Variants in RIOK1 observed in about 807,000 individuals in gnomAD.
The protein encoded by RIOK1 is RIO kinase 1, also known as serine/threonine-protein kinase RIO1.
Under a neutral mutation model 73.5 loss-of-function variants are expected in RIOK1, and 66 were observed. The observed-to-expected ratio is 0.90, with a 90% CI of 0.74 to 1.10. The LOEUF (loss-of-function observed/expected upper bound fraction) is 1.10, where lower values mean the gene tolerates loss of function less well. Ranked by LOEUF, RIOK1 falls within the 50% of genes least tolerant of loss-of-function variation. The probability of loss-of-function intolerance (pLI) is 0.00; values close to 1 mark genes in which losing one functional copy is unlikely to be tolerated. For synonymous variants in RIOK1, 224 were observed against 226.8 expected (o/e 0.99, Z 0.11); for missense variants, 658 against 699.8 (o/e 0.94, Z 0.67).
At chr6:7,396,576 C>A in intron 3 of RIOK1, 127 bp from the exon 4 acceptor site, 1 of 529,830 alleles carries the variant, frequency 1.9e-6, no homozygotes, top group Non-Finnish European at 3.4e-6. Flanking sequence ...AAACTGTATT[C>A]TATTTACAAT....
chr6:7,401,049 A>T lies in RIOK1; in HGVS notation c.572A>T (p.Glu191Val), dbSNP rs1452815201. 6.3e-7 allele frequency: 1 copy of T among 1,574,962 alleles called. No homozygotes were observed. The change falls in exon 6 of 17, where the codon GAA becomes GTA. Residue 191 changes from glutamate (E) to valine (V), a missense_variant and splice_region_variant. Physicochemically the swap from Glu to Val is moderately radical, Grantham distance 121. Coordinates refer to ENST00000379834, the MANE Select transcript of RIOK1 (RefSeq NM_031480.3). The stretch of plus-strand genomic sequence containing the variant: ...AATGGCTGCATTAGCACAGGAAAAG[A>T]AGTGAGCTCTTCTTTGGATGATTGG... ...EINGCISTGK[E>V]ANVYHASTAN...
Position 7,402,596 on chromosome 6 carries a change from A to G in RIOK1, c.574-7A>G, listed in dbSNP as rs148905039. The stretch of plus-strand genomic sequence containing the variant: ...CTTCATTTTCTTTTTTTTTTGACTT[A>G]ATATAGGCTAATGTATACCATGCTA... On this transcript the variant is annotated splice_region_variant and splice_polypyrimidine_tract_variant and intron_variant, in intron 6 of 16. Transcript: ENST00000379834. 13,609 of 1,557,928 alleles carry G rather than the reference A, an allele frequency of 8.7e-3. 88 individuals carry two copies. The highest frequency in any genetic ancestry group is 0.018 in the Middle Eastern group (101 of 5,584).
intron 8 of RIOK1, among the ~76,000 whole-genome samples, chr6:7,403,350 T>C (rs1483532232): frequency 6.6e-6 from 1 of 152,230 alleles, no homozygotes; most frequent in Non-Finnish European, 1.5e-5. Flanking sequence ...AGTTTCCTTT[T>C]CTTAGTCCAG....
chr6:7,394,853 T>C (rs998194918), intron 2 of RIOK1, among the ~76,000 whole-genome samples, 200 bp from the exon 3 acceptor site: 1 of 152,208 alleles, frequency 6.6e-6, no homozygotes, highest in Non-Finnish European at 1.5e-5. Flanking sequence ...TGCAGACTCT[T>C]TTAGTCAGTA....
intron 6 of RIOK1, among the ~76,000 whole-genome samples, chr6:7,402,286 ATATT>A (rs1194564473): frequency 1.3e-5 from 2 of 152,216 alleles, no homozygotes; most frequent in African/African-American, 4.8e-5. Flanking sequence ...ACAATGGTAA[ATATT>A]TATCTATCTA....
chr6:7,416,522 C>T (rs988498151), intron 16 of RIOK1, among the ~76,000 whole-genome samples: 6 of 152,024 alleles, frequency 3.9e-5, no homozygotes, highest in African/African-American at 1.2e-4. Context: ...GTGGCAGGCG[C>T]CTGTAGTCCC....
chr6:7,401,651 A>G (rs991254929), intron 6 of RIOK1, among the ~76,000 whole-genome samples: 1 of 150,094 alleles, frequency 6.7e-6, no homozygotes, highest in Admixed American at 6.6e-5. Flanking sequence ...AATTCAACTT[A>G]TAAATCACTG....
In RIOK1 at chr6:7,400,956, A is replaced by T; in HGVS notation, c.481-2A>T. On this transcript the variant is annotated splice_acceptor_variant, in intron 5 of 16. Transcript: ENST00000379834. LOFTEE classifies it high-confidence loss of function. ...CTTTTTAATTTTTGCATTTCTTTTT[A>T]GGTGTTGGATCCCAGAACAAGAATG... is the stretch of plus-strand genomic sequence containing the variant. 6.3e-7 allele frequency: 1 copy of T among 1,584,950 alleles called. No individual in the cohort carries two copies. Among genetic ancestry groups the T allele is most frequent in the Non-Finnish European group, 8.6e-7 (1 of 1,161,894 alleles).
At chr6:7,403,442 TC>T (rs1427992588) in intron 8 of RIOK1, among the ~76,000 whole-genome samples, 23 of 152,220 alleles carry the variant, frequency 1.5e-4, no homozygotes, top group African/African-American at 5.5e-4. Context: ...AGATCAAGTT[TC>T]CTGAAAATTA....
intron 1 of RIOK1, among the ~76,000 whole-genome samples, chr6:7,391,145 AAGGATT>A (rs1761327656): frequency 6.6e-6 from 1 of 152,206 alleles, no homozygotes; most frequent in South Asian, 2.1e-4. Flanking sequence ...TGTTTACAGT[AAGGATT>A]CATCACATGC....
chr6:7,416,878 ATTTTC>A (rs1174185201), intron 16 of RIOK1, among the ~76,000 whole-genome samples: 4 of 151,642 alleles, frequency 2.6e-5, no homozygotes, highest in Admixed American at 6.6e-5. Context: ...ACCCATAATC[ATTTTC>A]TTTTCTTTTC....
chr6:7,391,280 C>G, intron 1 of RIOK1, among the ~76,000 whole-genome samples: 1 of 152,104 alleles, frequency 6.6e-6, no homozygotes, highest in African/African-American at 2.4e-5. Flanking sequence ...CTGAATGACA[C>G]AGAGCTTGCA....
intron 16 of RIOK1, among the ~76,000 whole-genome samples, chr6:7,414,776 T>C (rs1761959619): frequency 6.6e-6 from 1 of 152,246 alleles, no homozygotes; most frequent in Admixed American, 6.5e-5. Context: ...CAGTTTCTAC[T>C]GTTTCAGTTC....
At chr6:7,393,388 A>T in intron 2 of RIOK1, 85 bp downstream of exon 2, 1 of 1,104,108 alleles carries the variant, frequency 9.1e-7, no homozygotes, top group Non-Finnish European at 1.4e-6. Context: ...TCTGAAATTG[A>T]ATAACTAAAA....
chr6:7,391,008 G>C (rs546024064), intron 1 of RIOK1, among the ~76,000 whole-genome samples: 2 of 152,254 alleles, frequency 1.3e-5, no homozygotes, highest in East Asian at 3.9e-4. Context: ...AGGTAGAAGT[G>C]GCAGCGTTTG....
chr6:7,393,011 A>G, intron 1 of RIOK1, 88 bp from the exon 2 acceptor site: 11 of 1,358,340 alleles, frequency 8.1e-6, no homozygotes, highest in Non-Finnish European at 1.1e-5. Context: ...ATTTATCAAT[A>G]TTTTAATATC....
Position 7,403,980 on chromosome 6 carries a change from G to A in RIOK1, c.807G>A (p.Met269Ile). Residue 269 changes from methionine to isoleucine, a missense_variant, in exon 9 of 17, where the codon ATG (methionine) becomes ATA (isoleucine). Met to Ile is a conservative substitution (Grantham distance 10). Transcript: ENST00000379834. Reference sequence around the variant, plus strand: ...AGATACCATGTCCAGAACCAATAATGCTAAGAAGTCATGTTCTTGTCATGA... The same window carrying A: ...AGATACCATGTCCAGAACCAATAATACTAAGAAGTCATGTTCTTGTCATGA... ...TAEIPCPEPI[M>I]LRSHVLVMSF... is the part of the protein sequence containing the mutation. 1 of 1,612,454 alleles carries A rather than the reference G, an allele frequency of 6.2e-7. No individual in the cohort carries two copies.
chr6:7,402,822 G>T lies in RIOK1; in HGVS notation c.692G>T (p.Arg231Leu). 1 of 1,612,046 alleles carries T rather than the reference G, an allele frequency of 6.2e-7. No homozygotes were observed. Among genetic ancestry groups the T allele is most frequent in the Non-Finnish European group, 8.5e-7 (1 of 1,178,898 alleles). Residue 231 changes from arginine (R) to leucine (L), a missense_variant, in exon 8 of 17, where the codon CGT becomes CTT. Coordinates refer to ENST00000379834, the MANE Select transcript of RIOK1 (RefSeq NM_031480.3). ...AAACATTTTTCTTATTCAAGATTTC[G>T]TCATGGCTATTGTAAAGGAAACCCT... ...DKYVSGEFRF[R>L]HGYCKGNPRK... is the part of the protein sequence containing the mutation.
intron 12 of RIOK1, among the ~76,000 whole-genome samples, chr6:7,405,593 A>G (rs1761724956): frequency 6.6e-6 from 1 of 152,156 alleles, no homozygotes; most frequent in South Asian, 2.1e-4. Flanking sequence ...ATTTTGGAGT[A>G]TTTCAGATTT....
Sources: allele counts gnomAD v4.1 joint callset (sites outside exome capture counted in the v4.1 genomes callset), GRCh38; gene constraint gnomAD v4.1.1; transcripts MANE v1.5; gene names NCBI Gene and HGNC (gene_info 2026-07-23, HGNC 2026-07-21).